MYH13: variants seen among roughly 807,000 people sequenced by gnomAD.
MYH13 encodes the protein myosin heavy chain 13.
In MYH13, 177 loss-of-function variants were observed where a neutral mutation model predicts 232.1. The ratio of observed to expected loss-of-function variants is 0.76; its 90% CI spans 0.67 to 0.86. The LOEUF (loss-of-function observed/expected upper bound fraction) is 0.86. Among genes scored for constraint, MYH13 ranks in the 40% least tolerant of loss-of-function variants. The pLI, the probability that MYH13 is intolerant of heterozygous loss-of-function variation, is 0.00. For synonymous variants in MYH13, 884 were observed against 923.5 expected, an observed-to-expected ratio of 0.96 and a Z score of 0.78; for missense variants, 2,246 against 2,405.9, an observed-to-expected ratio of 0.93 and a Z score of 1.39.
At chr17:10,366,105 T>G (rs964501708) in intron 2 of MYH13, among the ~76,000 whole-genome samples, 1 of 152,062 alleles carries the variant, frequency 6.6e-6, no homozygotes, top group African/African-American at 2.4e-5. Context: ...CTCTTCCCAC[T>G]TATAAGGGAG....
chr17:10,356,636 A>T (rs1341791201), intron 8 of MYH13, among the ~76,000 whole-genome samples: 3 of 152,242 alleles, frequency 2.0e-5, no homozygotes, highest in Admixed American at 2.0e-4. Context: ...CCAAGGAAAC[A>T]AAAGTCAAGG....
At position 10,309,630 on chromosome 17, in the gene MYH13, C is replaced by T; in HGVS notation, c.4857G>A (p.Lys1619=). 3 of 1,613,014 alleles carry T rather than the reference C, an allele frequency of 1.9e-6. No homozygotes were observed. The highest frequency in any genetic ancestry group is 2.5e-6 in the Non-Finnish European group (3 of 1,179,554). Residue 1619 remains lysine (K), a synonymous_variant, in exon 34 of 41, where the codon AAG becomes AAA. Transcript: ENST00000252172. Reference sequence around the variant, plus strand: ...CATTAAGGTCTCCCTCCATCTTCTTCTTTAGCCTCAGGGCGTCGTTCCGGC... The same window carrying T: ...CATTAAGGTCTCCCTCCATCTTCTTTTTTAGCCTCAGGGCGTCGTTCCGGC... ...IRSRNDALRL[K]KKMEGDLNEM...
chr17:10,355,828 C>CTTTTTTT (rs61338527), intron 8 of MYH13, among the ~76,000 whole-genome samples: 22 of 66,816 alleles, frequency 3.3e-4, no homozygotes, highest in Non-Finnish European at 3.7e-4. Context: ...TTCTGTCTGA[C>CTTTTTTT]TTTTTTTTTT....
intron 35 of MYH13, 70 bp downstream of exon 35, chr17:10,309,164 A>G (rs1906396788): frequency 1.4e-6 from 2 of 1,479,120 alleles, no homozygotes; most frequent in Admixed American, 2.0e-5. Context: ...TAGCGGAAGC[A>G]GCTGCACGGT....
At chr17:10,322,908 C>A (rs1234699450) in intron 23 of MYH13, among the ~76,000 whole-genome samples, 1 of 152,180 alleles carries the variant, frequency 6.6e-6, no homozygotes, top group East Asian at 1.9e-4. Flanking sequence ...GCTGGGATTA[C>A]AGGCATAAGC....
Position 10,333,071 on chromosome 17 carries a change from T to A in MYH13, c.2174+3A>T. The A allele has an allele frequency of 6.5e-7, 1 of 1,543,342 alleles. No individual in the cohort carries two copies. The highest frequency in any genetic ancestry group is 8.8e-7 in the Non-Finnish European group (1 of 1,139,256). ...AGAGATGCACAGGAGAGAGGGAACC[T>A]ACCGCTGCTTGAAGTCAGCATAGAG... On this transcript the variant is annotated splice_donor_region_variant and intron_variant, in intron 19 of 40. Coordinates refer to ENST00000252172, the MANE Select transcript of MYH13 (RefSeq NM_003802.3).
chr17:10,362,041 A>G (rs2071797841), intron 5 of MYH13, 77 bp downstream of exon 5: 1 of 1,610,776 alleles, frequency 6.2e-7, no homozygotes, highest in African/African-American at 1.3e-5. Context: ...CACCATTCAG[A>G]TGGCCAACGC....
chr17:10,348,514 G>T (rs913482430), intron 12 of MYH13, among the ~76,000 whole-genome samples: 2 of 152,162 alleles, frequency 1.3e-5, no homozygotes, highest in Non-Finnish European at 2.9e-5. Context: ...TATTAGCTTG[G>T]GTTGGTATCG....
chr17:10,344,202 C>G (rs560498549), intron 15 of MYH13, 93 bp from the exon 16 acceptor site: 1 of 1,512,816 alleles, frequency 6.6e-7, no homozygotes, highest in African/African-American at 1.4e-5. Context: ...TGCTTTCACT[C>G]TGGTACCAGG....
At chr17:10,300,990 C>T (rs1352102278) in intron 40 of MYH13, 25 bp from the exon 41 acceptor site, 2 of 1,610,172 alleles carry the variant, frequency 1.2e-6, no homozygotes, top group South Asian at 1.1e-5. Context: ...AATAATTGTA[C>T]ATAGGAAATG....
At chr17:10,350,511 G>T (rs1234821735) in intron 12 of MYH13, 45 bp downstream of exon 12, 2 of 1,591,882 alleles carry the variant, frequency 1.3e-6, no homozygotes, top group Non-Finnish European at 1.7e-6. Flanking sequence ...GCCCGCACAT[G>T]AACATAGATG....
In MYH13 at chr17:10,360,276, T is replaced by C. The variant is rs147406920; in HGVS notation, c.506-88A>G. 135 of 1,437,980 alleles carry C rather than the reference T, an allele frequency of 9.4e-5. 1 individual carries two copies. The African/African-American group carries it at 1.7e-3, about 18-fold the overall frequency. 89.1% of individuals were successfully genotyped at this position (1,437,980 alleles called of 1,614,324 possible). The stretch of plus-strand genomic sequence containing the variant: ...TAACATTGGGGGTGGTTGGAGAACA[T>C]AGGCTCTAGTTAATGTCTTTGCCAT... On this transcript the variant is annotated intron_variant, in intron 5 of 40. Coordinates refer to ENST00000252172, the MANE Select transcript of MYH13 (RefSeq NM_003802.3).
chr17:10,370,313 C>A (rs893363140), intron 2 of MYH13, among the ~76,000 whole-genome samples: 3 of 152,184 alleles, frequency 2.0e-5, no homozygotes, highest in Non-Finnish European at 2.9e-5. Flanking sequence ...GAGTTGGGAC[C>A]CAGGGGAAGA....
At position 10,345,471 on chromosome 17, in the gene MYH13, A is replaced by G. The variant is rs754382430; in HGVS notation, c.1409T>C (p.Phe470Ser). 4 of 1,614,200 alleles carry G rather than the reference A, an allele frequency of 2.5e-6. No homozygotes were observed. The South Asian group carries it at 3.3e-5, about 13-fold the overall frequency. ...GVLDIAGFEI[F>S]DFNSLEQLCI... The stretch of plus-strand genomic sequence containing the variant: ...AAGTAGAAGGTCACAACTCACATCA[A>G]AGATCTCAAAGCCAGCAATGTCCAA... Residue 470 changes from phenylalanine (F) to serine (S), a missense_variant, in exon 14 of 41, where the codon TTT becomes TCT. Phe to Ser is a radical substitution (Grantham distance 155). Transcript: ENST00000252172.
chr17:10,338,959 C>T (rs949441463), intron 18 of MYH13, among the ~76,000 whole-genome samples: 9 of 152,152 alleles, frequency 5.9e-5, no homozygotes, highest in Non-Finnish European at 1.2e-4. Flanking sequence ...ACTCGGCCTC[C>T]CAAAGTGCTG....
chr17:10,309,948 T>C, intron 33 of MYH13, 118 bp from the exon 34 acceptor site: 1 of 658,980 alleles, frequency 1.5e-6, no homozygotes, highest in Non-Finnish European at 2.1e-6. Flanking sequence ...AAATTTAAAT[T>C]TTTTTTTTTT....
chr17:10,306,496 T>G lies in MYH13; in HGVS notation c.5429A>C (p.Lys1810Thr), dbSNP rs539721099. Residue 1810 changes from lysine to threonine, a missense_variant, in exon 37 of 41, where the codon AAG (lysine) becomes ACG (threonine). Physicochemically the swap from Lys to Thr is moderately conservative, Grantham distance 78. Coordinates refer to ENST00000252172, the MANE Select transcript of MYH13 (RefSeq NM_003802.3). This position sits in a 1 kb window ranked among gnomAD's most constrained non-coding sequence, Gnocchi z 4.3. ...TTTCTGGATCTGCTTCTTCCCGCCC[T>G]TCAGCGCCAGTTGTTCAGCCTCATC... Reference protein sequence around the residue: ...RLDEAEQLALKGGKKQIQKLE... With the variant: ...RLDEAEQLALTGGKKQIQKLE... 1 of 1,614,146 alleles carries G rather than the reference T, an allele frequency of 6.2e-7. No individual in the cohort carries two copies. Among genetic ancestry groups the G allele is most frequent in the Non-Finnish European group, 8.5e-7 (1 of 1,180,016 alleles).
intron 5 of MYH13, 67 bp downstream of exon 5, chr17:10,362,051 C>G: frequency 6.2e-7 from 1 of 1,611,524 alleles, no homozygotes; most frequent in Non-Finnish European, 8.5e-7. Flanking sequence ...ATGGCCAACG[C>G]CCATCAAAAG....
At chr17:10,322,686 T>G (rs978102004) in intron 23 of MYH13, among the ~76,000 whole-genome samples, 1 of 140,016 alleles carries the variant, frequency 7.1e-6, no homozygotes, top group Non-Finnish European at 1.5e-5. Context: ...CAGGCTGGAG[T>G]GCAGTGGCGC....
Sources: allele counts gnomAD v4.1 joint callset (sites outside exome capture counted in the v4.1 genomes callset), GRCh38; gene constraint gnomAD v4.1.1; non-coding constraint Gnocchi (gnomAD v3.1); transcripts MANE v1.5; gene names NCBI Gene and HGNC (gene_info 2026-07-23, HGNC 2026-07-21).